ALDH9A1: variants seen among roughly 807,000 people sequenced by gnomAD.
ALDH9A1 encodes the protein 4-trimethylaminobutyraldehyde dehydrogenase.
Under a neutral mutation model 56.6 loss-of-function variants are expected in ALDH9A1, and 42 were observed. The observed-to-expected ratio is 0.74, with a 90% confidence interval of 0.58 to 0.96. The LOEUF (loss-of-function observed/expected upper bound fraction) is 0.96, where lower values mean the gene tolerates loss of function less well. Ranked by LOEUF, ALDH9A1 falls within the 40% of genes least tolerant of loss-of-function variation. ALDH9A1 has a pLI of 0.00. For missense variants in ALDH9A1, 661 were observed against 651.5 expected, an observed-to-expected ratio of 1.01 and a Z score of -0.16; for synonymous variants, 242 against 236.0, an observed-to-expected ratio of 1.03 and a Z score of -0.23.
intron 1 of ALDH9A1, 86 bp from the exon 2 acceptor site, chr1:165,695,483 TAGTC>T (rs1345735507): frequency 1.1e-5 from 10 of 913,256 alleles, no homozygotes; most frequent in South Asian, 2.6e-5. Context: ...CTCTTAGTAG[TAGTC>T]TTTTTTTTTT....
intron 1 of ALDH9A1, among the ~76,000 whole-genome samples, 169 bp from the exon 2 acceptor site, chr1:165,695,566 G>A (rs1383419891): frequency 7.5e-6 from 1 of 133,922 alleles, no homozygotes; most frequent in African/African-American, 2.8e-5. Context: ...CGCGATCTCG[G>A]CTCACTGCAA....
At chr1:165,679,361 T>A in intron 6 of ALDH9A1, 81 bp downstream of exon 6, 1 of 1,509,796 alleles carries the variant, frequency 6.6e-7, no homozygotes, top group Non-Finnish European at 9.0e-7. Flanking sequence ...GAAAGTATTG[T>A]AAAACAAAAA....
At chr1:165,670,154 A>C (rs1649130376) in intron 6 of ALDH9A1, among the ~76,000 whole-genome samples, 3 of 152,194 alleles carry the variant, frequency 2.0e-5, no homozygotes, top group Admixed American at 2.0e-4. Context: ...ATAAGAAATC[A>C]GGGCGCAGTG....
At chr1:165,669,678 G>A (rs949243867) in intron 6 of ALDH9A1, among the ~76,000 whole-genome samples, 1 of 152,078 alleles carries the variant, frequency 6.6e-6, no homozygotes, top group Non-Finnish European at 1.5e-5. Context: ...GTAAAAGTTA[G>A]TTCTTATTTT....
At chr1:165,677,291 C>T (rs1029262631) in intron 6 of ALDH9A1, among the ~76,000 whole-genome samples, 3 of 152,080 alleles carry the variant, frequency 2.0e-5, no homozygotes, top group East Asian at 1.9e-4. Context: ...TTGGAGGGGC[C>T]GAGATTGCAG....
At chr1:165,692,389 C>T (rs1237799970) in intron 2 of ALDH9A1, among the ~76,000 whole-genome samples, 2 of 152,156 alleles carry the variant, frequency 1.3e-5, no homozygotes, top group African/African-American at 4.8e-5. Context: ...AATCAATGTG[C>T]AAAAATCACA....
chr1:165,685,260 G>A (rs74118873), intron 2 of ALDH9A1, among the ~76,000 whole-genome samples: 3,652 of 152,212 alleles, frequency 0.024, 152 homozygotes, highest in African/African-American at 0.084. Context: ...TAGAAGCCAA[G>A]AGTAGGTCCC....
At chr1:165,689,145 G>T (rs1477236792) in intron 2 of ALDH9A1, among the ~76,000 whole-genome samples, 3 of 152,158 alleles carry the variant, frequency 2.0e-5, no homozygotes, top group African/African-American at 7.2e-5. Flanking sequence ...TCTGCTTTGA[G>T]TTATCTTTGG....
intron 2 of ALDH9A1, among the ~76,000 whole-genome samples, chr1:165,685,684 G>A (rs1649686935): frequency 6.6e-6 from 1 of 152,198 alleles, no homozygotes. Flanking sequence ...TATGGTGTGT[G>A]AAGAGAAAAG....
intron 9 of ALDH9A1, among the ~76,000 whole-genome samples, chr1:165,666,591 A>C (rs1649016130): frequency 1.3e-5 from 2 of 152,182 alleles, no homozygotes; most frequent in Admixed American, 1.3e-4. Context: ...CAATTACATC[A>C]GGTCCTCAAG....
rs4646898 is a variant in ALDH9A1 at position 165,676,873 on chromosome 1, A to G, written c.930+2569T>C. 12 of 247,058 alleles carry G rather than the reference A, an allele frequency of 4.9e-5. No individual in the cohort carries two copies. In the East Asian group the frequency reaches 1.4e-3, roughly 29 times the overall value. The allele number at this position is 247,058 out of a possible 1,614,324, so 15.3% of individuals were successfully genotyped here. On this transcript the variant is annotated intron_variant, in intron 6 of 10. Coordinates refer to ENST00000354775, the MANE Select transcript of ALDH9A1 (RefSeq NM_000696.4). The stretch of plus-strand genomic sequence containing the variant: ...GTGTGGTGTCCTCTCCCCCAAAAAA[A>G]TATTTAAAGCAGATTTTAATTGTGT...
At chr1:165,692,696 C>A (rs1649932571) in intron 2 of ALDH9A1, among the ~76,000 whole-genome samples, 1 of 151,368 alleles carries the variant, frequency 6.6e-6, no homozygotes, top group African/African-American at 2.4e-5. Flanking sequence ...ACTTTCTTCA[C>A]AGAATTGGAA....
chr1:165,687,770 T>G (rs1325965979), intron 2 of ALDH9A1, among the ~76,000 whole-genome samples: 1 of 151,954 alleles, frequency 6.6e-6, no homozygotes, highest in African/African-American at 2.4e-5. Context: ...GGCGGATCAC[T>G]GGAGGTCAGC....
chr1:165,670,424 G>A (rs1296679985), intron 6 of ALDH9A1, among the ~76,000 whole-genome samples: 1 of 133,756 alleles, frequency 7.5e-6, no homozygotes, highest in South Asian at 2.5e-4. Context: ...ATGAGAGAGC[G>A]AGACTTTTTT....
chr1:165,677,438 G>A (rs943263899), intron 6 of ALDH9A1, among the ~76,000 whole-genome samples: 1 of 152,156 alleles, frequency 6.6e-6, no homozygotes, highest in Non-Finnish European at 1.5e-5. Flanking sequence ...GCACAGCCAG[G>A]GGAAGTATGA....
intron 4 of ALDH9A1, 37 bp from the exon 5 acceptor site, chr1:165,680,720 C>A: frequency 6.5e-7 from 1 of 1,549,006 alleles, no homozygotes; most frequent in South Asian, 1.2e-5. Flanking sequence ...AAAAGACTTT[C>A]TAAGACCAGT....
chr1:165,681,994 C>G, intron 4 of ALDH9A1, 113 bp downstream of exon 4: 1 of 1,408,032 alleles, frequency 7.1e-7, no homozygotes, highest in South Asian at 1.3e-5. Context: ...CCAGAGCAGG[C>G]CCCTTCCGAT....
intron 6 of ALDH9A1, among the ~76,000 whole-genome samples, chr1:165,670,421 A>C (rs945873551): frequency 4.3e-5 from 6 of 140,538 alleles, no homozygotes; most frequent in South Asian, 2.3e-4. Flanking sequence ...TGCATGAGAG[A>C]GCGAGACTTT....
chr1:165,685,429 T>C (rs779120425), intron 2 of ALDH9A1, among the ~76,000 whole-genome samples: 2 of 152,238 alleles, frequency 1.3e-5, no homozygotes, highest in Non-Finnish European at 2.9e-5. Context: ...AATAGCTATA[T>C]ACATCTCAAG....
Sources: allele counts gnomAD v4.1 joint callset (sites outside exome capture counted in the v4.1 genomes callset), GRCh38; gene constraint gnomAD v4.1.1; transcripts MANE v1.5; gene names NCBI Gene and HGNC (gene_info 2026-07-23, HGNC 2026-07-21).